USP37: variants seen among roughly 807,000 people sequenced by gnomAD.
USP37 encodes the protein ubiquitin carboxyl-terminal hydrolase 37.
A neutral mutation model predicts 124.0 loss-of-function variants in USP37; 27 were observed. The ratio of observed to expected loss-of-function variants is 0.22; its 90% CI spans 0.16 to 0.30. USP37 has a LOEUF of 0.30. Ranked by LOEUF, USP37 falls within the 10% of genes least tolerant of loss-of-function variation. The probability of loss-of-function intolerance (pLI) is 1.00; values close to 1 mark genes in which losing one functional copy is unlikely to be tolerated. For synonymous variants in USP37, 365 were observed against 388.0 expected (o/e 0.94, Z 0.70); for missense variants, 889 against 1,140.4 (o/e 0.78, Z 3.17).
intron 16 of USP37, among the ~76,000 whole-genome samples, chr2:218,484,122 G>A (rs891283673): frequency 6.6e-6 from 1 of 151,824 alleles, no homozygotes; most frequent in Non-Finnish European, 1.5e-5. Flanking sequence ...TCATGCCACC[G>A]CATTCCAGCC....
At chr2:218,554,249 G>GTCACA (rs1692823970) in intron 4 of USP37, among the ~76,000 whole-genome samples, 1 of 152,072 alleles carries the variant, frequency 6.6e-6, no homozygotes, top group Admixed American at 6.5e-5. Flanking sequence ...TCATTTCTTA[G>GTCACA]TCACAGTTTT....
At chr2:218,502,947 C>T (rs1210473490) in intron 11 of USP37, among the ~76,000 whole-genome samples, 1 of 151,900 alleles carries the variant, frequency 6.6e-6, no homozygotes, top group African/African-American at 2.4e-5. Context: ...AGATTAAGAC[C>T]GTAGGCTTCT....
intron 10 of USP37, among the ~76,000 whole-genome samples, chr2:218,518,007 G>A (rs1690394365): frequency 6.6e-6 from 1 of 151,768 alleles, no homozygotes; most frequent in South Asian, 2.1e-4. Context: ...TCAGGCTGAA[G>A]TGCAGTGACA....
chr2:218,515,256 A>C (rs1690213940), intron 10 of USP37, among the ~76,000 whole-genome samples: 1 of 152,166 alleles, frequency 6.6e-6, no homozygotes, highest in African/African-American at 2.4e-5. Flanking sequence ...CTAAGCAAAA[A>C]GAACAAAGCT....
chr2:218,460,978 G>A (rs1039522797), intron 22 of USP37, among the ~76,000 whole-genome samples: 1 of 151,750 alleles, frequency 6.6e-6, no homozygotes, highest in African/African-American at 2.4e-5. Flanking sequence ...TTCTTGAAAC[G>A]TACCAAAAAA....
chr2:218,556,802 C>A (rs2106056498), intron 4 of USP37, among the ~76,000 whole-genome samples: 1 of 150,616 alleles, frequency 6.6e-6, no homozygotes, highest in African/African-American at 2.4e-5. Flanking sequence ...CGTGAGCCAT[C>A]ACGCCTGGCC....
At position 218,474,880 on chromosome 2, in the gene USP37, T is replaced by C. The variant is rs1690883518; in HGVS notation, c.2049A>G (p.Ser683=). 4.3e-6 allele frequency: 7 copies of C among 1,609,956 alleles called. No individual in the cohort carries two copies. In the South Asian group the frequency reaches 7.8e-5, roughly 18 times the overall value. Residue 683 remains serine, a synonymous_variant, in exon 20 of 26, where the codon TCA becomes TCG. Coordinates refer to ENST00000258399, the MANE Select transcript of USP37 (RefSeq NM_020935.3). ...EQQQEDLEKD[S]KLCPIEPDKS... ...TGTCAGGCTCTATTGGGCATAATTT[T>C]GAATCCTGAAGAAGAGAGTTACTTT...
intron 10 of USP37, among the ~76,000 whole-genome samples, chr2:218,523,177 C>T (rs1016833437): frequency 3.3e-5 from 5 of 152,086 alleles, no homozygotes; most frequent in South Asian, 2.1e-4. Context: ...GCAGGAGAAT[C>T]GCTTGAACCC....
chr2:218,511,978 G>A (rs1690025623), intron 10 of USP37, among the ~76,000 whole-genome samples: 1 of 151,886 alleles, frequency 6.6e-6, no homozygotes, highest in Admixed American at 6.6e-5. Context: ...TGTATGTTGT[G>A]AGGCATACTT....
rs78560693 is a variant in USP37, at chr2:218,555,139, C to T, written c.157-1415G>A. ...TCCAAGGCTAAATTAGTAAATCTTA[C>T]AGTTTCTTCATTATCTAAATAATTC... On this transcript the variant is annotated intron_variant, in intron 4 of 25. Transcript: ENST00000258399. 2.6e-4 allele frequency among the ~76,000 whole-genome samples: 39 copies of T among 152,300 alleles called. 1 individual carries two copies. The East Asian group carries it at 5.8e-3, about 23-fold the overall frequency.
intron 10 of USP37, among the ~76,000 whole-genome samples, chr2:218,524,646 G>A (rs755861033): frequency 1.3e-5 from 2 of 152,212 alleles, no homozygotes; most frequent in Non-Finnish European, 2.9e-5. Context: ...GTCTCGCGCT[G>A]TCACCCAGAA....
At chr2:218,526,546 A>G (rs1302791336) in intron 10 of USP37, among the ~76,000 whole-genome samples, 3 of 152,148 alleles carry the variant, frequency 2.0e-5, no homozygotes, top group Admixed American at 2.0e-4. Flanking sequence ...CAGTGTATAC[A>G]CATTTCTTTT....
intron 10 of USP37, chr2:218,528,630 T>C (rs1368353415): frequency 5.0e-6 from 2 of 402,306 alleles, no homozygotes; most frequent in African/African-American, 4.1e-5. Flanking sequence ...TGCATAGTAT[T>C]CCATGGTATA....
intron 8 of USP37, among the ~76,000 whole-genome samples, chr2:218,544,406 A>AAAAATATATAT (rs1312705279): frequency 1.2e-4 from 10 of 82,966 alleles, no homozygotes; most frequent in African/African-American, 6.9e-4. Flanking sequence ...AAAAAAAAAA[A>AAAAATATATAT]ATATATATAT....
intron 10 of USP37, among the ~76,000 whole-genome samples, chr2:218,512,754 T>C (rs1690069596): frequency 6.6e-6 from 1 of 152,194 alleles, no homozygotes; most frequent in Non-Finnish European, 1.5e-5. Flanking sequence ...TATTGTACTT[T>C]GGATAATATG....
rs1691860852 is a variant in USP37, at chr2:218,490,326, G to A, written c.1473-1905C>T. On this transcript the variant is annotated intron_variant, in intron 14 of 25. Coordinates refer to ENST00000258399, the MANE Select transcript of USP37 (RefSeq NM_020935.3). ...ACTGCACTCCAGCCTGGGAAACAGA[G>A]TGAGACTCCAACTCTAAATAAATAA... Among the ~76,000 whole-genome samples, 3 of 152,230 alleles carry A rather than the reference G, an allele frequency of 2.0e-5. No homozygotes were observed. In the South Asian group the frequency reaches 6.2e-4, roughly 31 times the overall value.
At chr2:218,526,643 A>G (rs879536703) in intron 10 of USP37, among the ~76,000 whole-genome samples, 45 of 152,116 alleles carry the variant, frequency 3.0e-4, no homozygotes, top group Non-Finnish European at 5.7e-4. Flanking sequence ...AGGCTTTTCG[A>G]TGTGAGGACT....
chr2:218,500,871 C>T (rs1380678983), intron 11 of USP37: 1 of 161,376 alleles, frequency 6.2e-6, no homozygotes, highest in Non-Finnish European at 1.5e-5. Flanking sequence ...ACCAGTCCTC[C>T]TCTATTGGGG....
intron 11 of USP37, among the ~76,000 whole-genome samples, chr2:218,502,433 C>T (rs919749617): frequency 2.6e-5 from 4 of 151,748 alleles, no homozygotes; most frequent in East Asian, 1.9e-4. Context: ...ACCTGTGGGA[C>T]GATATCAAAT....
Sources: gnomAD v4.1 joint callset for allele counts (sites outside exome capture counted in the v4.1 genomes callset) on GRCh38, gnomAD v4.1.1 for gene constraint, MANE v1.5 for transcripts, NCBI Gene and HGNC (gene_info 2026-07-23, HGNC 2026-07-21) for gene names.